Variants in IPCEF1 observed in about 807,000 individuals in gnomAD.
The protein encoded by IPCEF1 is interactor protein for cytohesin exchange factors 1.
IPCEF1 carries 31 observed loss-of-function variants against 50.9 expected under a neutral mutation model. The ratio of observed to expected loss-of-function variants is 0.61; its 90% CI spans 0.46 to 0.82. The LOEUF is 0.82. IPCEF1 is among the 40% of genes least tolerant of loss of function. The pLI is 0.00. For synonymous variants in IPCEF1, 181 were observed against 192.0 expected, an observed-to-expected ratio of 0.94 and a Z score of 0.47; for missense variants, 458 against 514.0, an observed-to-expected ratio of 0.89 and a Z score of 1.05.
At chr6:154,356,547 C>T (rs1337901717) in intron 1 of IPCEF1, 125 bp downstream of exon 1, 1 of 152,202 alleles carries the variant, frequency 6.6e-6, no homozygotes, top group Non-Finnish European at 1.5e-5. Flanking sequence ...GTGAATATTA[C>T]ATCCCCAAAG....
intron 1 of IPCEF1, among the ~76,000 whole-genome samples, chr6:154,312,563 G>C (rs1393084616): frequency 3.9e-5 from 6 of 151,982 alleles, no homozygotes; most frequent in Non-Finnish European, 8.8e-5. Context: ...GGCCAGGCTG[G>C]TCTCGAACTC....
chr6:154,225,112 G>T (rs972974683), intron 5 of IPCEF1, among the ~76,000 whole-genome samples: 9 of 152,090 alleles, frequency 5.9e-5, no homozygotes, highest in African/African-American at 2.2e-4. Flanking sequence ...TTTCTGATTT[G>T]GGGATATTTG....
intron 11 of IPCEF1, among the ~76,000 whole-genome samples, chr6:154,165,111 T>C (rs1799322569): frequency 6.6e-6 from 1 of 152,220 alleles, no homozygotes; most frequent in South Asian, 2.1e-4. Context: ...TTTTAAAACA[T>C]AAACATTTCC....
rs1484074646 is a variant in IPCEF1, at chr6:154,184,926, G to GAAAC, written c.910+14738_910+14741dup. Among the ~76,000 whole-genome samples the GAAAC allele has an allele frequency of 2.6e-5, 4 of 152,150 alleles. No individual in the cohort carries two copies. In the East Asian group the frequency reaches 7.7e-4, roughly 29 times the overall value. The stretch of plus-strand genomic sequence containing the variant: ...CAGATAATGTTATAATGTGTCACAA[G>GAAAC]AAACAAACATATTTCTTGGTAATAA... On this transcript the variant is annotated intron_variant, in intron 10 of 11. Coordinates refer to ENST00000367220, the MANE Select transcript of IPCEF1 (RefSeq NM_001130700.2).
chr6:154,294,698 T>G (rs1342095209), intron 1 of IPCEF1, among the ~76,000 whole-genome samples: 1 of 152,088 alleles, frequency 6.6e-6, no homozygotes, highest in Non-Finnish European at 1.5e-5. Flanking sequence ...CCTGTTTCCC[T>G]TTTTATTTCC....
intron 10 of IPCEF1, among the ~76,000 whole-genome samples, chr6:154,176,691 C>T (rs1331021706): frequency 1.3e-5 from 2 of 152,192 alleles, no homozygotes; most frequent in East Asian, 1.9e-4. Context: ...AATAGAAGAA[C>T]ATTCCATGCT....
intron 10 of IPCEF1, among the ~76,000 whole-genome samples, chr6:154,188,406 T>C (rs1168666299): frequency 6.6e-6 from 1 of 152,252 alleles, no homozygotes; most frequent in African/African-American, 2.4e-5. Context: ...TGGAAAATTT[T>C]AGACCATAAC....
At chr6:154,277,725 G>A (rs1782098856) in intron 2 of IPCEF1, among the ~76,000 whole-genome samples, 1 of 152,218 alleles carries the variant, frequency 6.6e-6, no homozygotes, top group African/African-American at 2.4e-5. Context: ...CAGCTGGCCA[G>A]CCACTTTACT....
rs996841893 is a variant in IPCEF1 at position 154,154,697 on chromosome 6, T to C, written c.*5131A>G. On this transcript the variant is annotated 3_prime_UTR_variant, in exon 12 of 12. Coordinates refer to ENST00000367220, the MANE Select transcript of IPCEF1 (RefSeq NM_001130700.2). The stretch of plus-strand genomic sequence containing the variant: ...ACCAGTAGTATATTTCAACTTTTTT[T>C]TCATGTCATTTGCCTAGATATATTT... The C allele has an allele frequency of 1.3e-5, 2 of 152,416 alleles. No individual in the cohort carries two copies. The highest frequency in any genetic ancestry group is 4.8e-5 in the African/African-American group (2 of 41,458). The allele number at this position is 152,416 out of a possible 1,614,324, so 9.4% of individuals were successfully genotyped here. A position where few individuals can be genotyped will look rare whatever the true frequency, so the allele number is the denominator to read the frequency against.
intron 10 of IPCEF1, among the ~76,000 whole-genome samples, chr6:154,170,348 G>A (rs771390613): frequency 6.6e-6 from 1 of 152,162 alleles, no homozygotes; most frequent in Admixed American, 6.5e-5. Flanking sequence ...TCTCCATAGG[G>A]TGGAGAAAAG....
At chr6:154,348,494 G>A (rs2038155) in intron 1 of IPCEF1, among the ~76,000 whole-genome samples, 106,077 of 152,092 alleles carry the variant, frequency 0.7, 37,699 homozygotes, top group Middle Eastern at 0.77. Context: ...TTTAATTGCA[G>A]TGAAATACCT....
intron 1 of IPCEF1, among the ~76,000 whole-genome samples, chr6:154,309,482 C>T (rs905794887): frequency 6.6e-6 from 1 of 152,106 alleles, no homozygotes; most frequent in African/African-American, 2.4e-5. Context: ...GCCATCTCAC[C>T]GTTCTTCACA....
chr6:154,232,841 G>A (rs1309269922), intron 5 of IPCEF1, among the ~76,000 whole-genome samples: 1 of 151,948 alleles, frequency 6.6e-6, no homozygotes, highest in African/African-American at 2.4e-5. Context: ...TGTAAAATTT[G>A]TTAAAGCTAT....
At chr6:154,337,021 A>C (rs1584002685) in intron 1 of IPCEF1, among the ~76,000 whole-genome samples, 1 of 152,332 alleles carries the variant, frequency 6.6e-6, no homozygotes, top group Non-Finnish European at 1.5e-5. Context: ...CCACATAGAA[A>C]TGATAAATAC....
intron 1 of IPCEF1, among the ~76,000 whole-genome samples, chr6:154,328,960 T>G (rs1783589858): frequency 6.6e-6 from 1 of 152,230 alleles, no homozygotes; most frequent in Non-Finnish European, 1.5e-5. Context: ...CTCAAATCAC[T>G]GGTGCATTCA....
chr6:154,180,409 TATATA>T (rs1490163602), intron 10 of IPCEF1, among the ~76,000 whole-genome samples: 748 of 45,844 alleles, frequency 0.016, 13 homozygotes, highest in African/African-American at 0.039. Flanking sequence ...TATATATATA[TATATA>T]TTTTTTTTTT....
intron 2 of IPCEF1, among the ~76,000 whole-genome samples, chr6:154,273,754 T>C (rs1168379988): frequency 0.21 from 15,418 of 73,914 alleles, 2,533 homozygotes; most frequent in East Asian, 0.7. Context: ...TTTTTTTTTT[T>C]TTTTTTTTTT....
chr6:154,160,853 G>T (rs1008335141), intron 11 of IPCEF1, among the ~76,000 whole-genome samples: 1 of 152,132 alleles, frequency 6.6e-6, no homozygotes, highest in African/African-American at 2.4e-5. Context: ...TATCACGTTT[G>T]ATCTGCTGCC....
intron 1 of IPCEF1, among the ~76,000 whole-genome samples, chr6:154,350,296 C>A (rs1396238004): frequency 6.6e-6 from 1 of 152,188 alleles, no homozygotes; most frequent in Non-Finnish European, 1.5e-5. Flanking sequence ...ATATCCCCCC[C>A]AAATAGACGC....
Sources: gnomAD v4.1 joint callset for allele counts (sites outside exome capture counted in the v4.1 genomes callset) on GRCh38, gnomAD v4.1.1 for gene constraint, MANE v1.5 for transcripts, NCBI Gene and HGNC (gene_info 2026-07-23, HGNC 2026-07-21) for gene names.